CABCOCO1: variants seen among roughly 807,000 people sequenced by gnomAD.
CABCOCO1 encodes the protein ciliary associated calcium binding coiled-coil 1.
Under a neutral mutation model 35.7 loss-of-function variants are expected in CABCOCO1, and 28 were observed. The observed-to-expected ratio is 0.78, with a 90% CI of 0.58 to 1.07. The LOEUF (loss-of-function observed/expected upper bound fraction) is 1.07. CABCOCO1 is among the 50% of genes least tolerant of loss of function. CABCOCO1 has a pLI of 0.00. For missense variants in CABCOCO1, 326 were observed against 309.2 expected (o/e 1.05, Z -0.41); for synonymous variants, 95 against 100.1 (o/e 0.95, Z 0.30).
At chr10:61,715,270 C>T (rs1840834133) in intron 5 of CABCOCO1, among the ~76,000 whole-genome samples, 1 of 152,060 alleles carries the variant, frequency 6.6e-6, no homozygotes, top group African/African-American at 2.4e-5. Flanking sequence ...TATGTAATGG[C>T]CTTCTTTGTC....
At chr10:61,682,110 T>C (rs765921084) in intron 3 of CABCOCO1, among the ~76,000 whole-genome samples, 15 of 152,200 alleles carry the variant, frequency 9.9e-5, no homozygotes, top group Non-Finnish European at 1.6e-4. Context: ...AAAATTTTCA[T>C]GGACCTCACA....
intron 5 of CABCOCO1, among the ~76,000 whole-genome samples, chr10:61,713,463 C>T (rs1840781438): frequency 6.6e-6 from 1 of 152,182 alleles, no homozygotes; most frequent in Non-Finnish European, 1.5e-5. Flanking sequence ...CAAACAGGGA[C>T]AATTTGACTT....
chr10:61,757,174 C>T (rs543471894), intron 5 of CABCOCO1, among the ~76,000 whole-genome samples: 17 of 151,578 alleles, frequency 1.1e-4, no homozygotes, highest in African/African-American at 3.4e-4. Flanking sequence ...TTCATTTAAA[C>T]GTATTTTCTG....
At chr10:61,736,137 C>T (rs1158267377) in intron 5 of CABCOCO1, among the ~76,000 whole-genome samples, 1 of 152,110 alleles carries the variant, frequency 6.6e-6, no homozygotes, top group Non-Finnish European at 1.5e-5. Context: ...GTTTCTTTTA[C>T]TGTGCAGAAG....
chr10:61,695,760 C>T (rs569529225), intron 5 of CABCOCO1, among the ~76,000 whole-genome samples: 1 of 151,936 alleles, frequency 6.6e-6, no homozygotes, highest in Non-Finnish European at 1.5e-5. Flanking sequence ...CAATCTAGAA[C>T]TTCATTCCGA....
Position 61,703,661 on chromosome 10 carries a change from ATGTAATCTGACTTTAGC to A in CABCOCO1, c.552+13043_552+13059del, listed in dbSNP as rs1259583109. On this transcript the variant is annotated intron_variant, in intron 5 of 7. Transcript: ENST00000648843. ...ACTGTGCTTTTTGGTATCAGTTTAT[ATGTAATCTGACTTTAGC>A]TGGGCTGCCTTCAGGCCTGCCTCTA... 2.0e-5 allele frequency among the ~76,000 whole-genome samples: 3 copies of A among 152,056 alleles called. No individual in the cohort carries two copies. In the East Asian group the frequency reaches 5.8e-4, roughly 30 times the overall value.
intron 5 of CABCOCO1, among the ~76,000 whole-genome samples, chr10:61,721,843 A>G (rs1027239777): frequency 6.6e-6 from 1 of 152,214 alleles, no homozygotes; most frequent in African/African-American, 2.4e-5. Context: ...TTAGGAATCA[A>G]CACCTGTGAA....
chr10:61,749,970 C>T (rs187493911), intron 5 of CABCOCO1, among the ~76,000 whole-genome samples: 1 of 146,420 alleles, frequency 6.8e-6, no homozygotes, highest in Admixed American at 6.8e-5. Flanking sequence ...ATGAGAGCTG[C>T]TTTTTTTTTT....
intron 2 of CABCOCO1, among the ~76,000 whole-genome samples, chr10:61,680,650 TATTATGTTATA>T (rs1839727697): frequency 2.1e-5 from 1 of 48,560 alleles, no homozygotes; most frequent in Admixed American, 3.1e-4. Context: ...ATATAATATA[TATTATGTTATA>T]CATGTATAAC....
At chr10:61,763,978 C>G (rs1393467223) in intron 7 of CABCOCO1, among the ~76,000 whole-genome samples, 1 of 152,004 alleles carries the variant, frequency 6.6e-6, no homozygotes, top group Non-Finnish European at 1.5e-5. Context: ...GTCTGGAGAT[C>G]TGAGACATTA....
intron 5 of CABCOCO1, among the ~76,000 whole-genome samples, chr10:61,734,950 C>G (rs1333465908): frequency 6.6e-6 from 1 of 152,060 alleles, no homozygotes; most frequent in African/African-American, 2.4e-5. Context: ...TCAACCTAAC[C>G]TAAAAGTAAC....
chr10:61,725,236 T>G (rs1841117318), intron 5 of CABCOCO1, among the ~76,000 whole-genome samples: 1 of 152,140 alleles, frequency 6.6e-6, no homozygotes, highest in African/African-American at 2.4e-5. Flanking sequence ...AAATACCATT[T>G]TACCCAGCCA....
intron 5 of CABCOCO1, among the ~76,000 whole-genome samples, chr10:61,713,790 C>T (rs956136186): frequency 6.6e-6 from 1 of 152,122 alleles, no homozygotes; most frequent in Non-Finnish European, 1.5e-5. Flanking sequence ...GTCATTGGTT[C>T]TGTTTATGTG....
intron 7 of CABCOCO1, 132 bp from the exon 8 acceptor site, chr10:61,765,807 T>G (rs1042389021): frequency 1.4e-6 from 1 of 726,474 alleles, no homozygotes; most frequent in African/African-American, 1.8e-5. Flanking sequence ...AACACAGCTA[T>G]GTCTGCAAAA....
chr10:61,700,411 G>A (rs1840417934), intron 5 of CABCOCO1, among the ~76,000 whole-genome samples: 1 of 151,946 alleles, frequency 6.6e-6, no homozygotes, highest in Non-Finnish European at 1.5e-5. Context: ...AATATAAATA[G>A]CCAATAAACT....
Position 61,766,321 on chromosome 10 carries a change from T to C in CABCOCO1, c.*308T>C, listed in dbSNP as rs1406380942. On this transcript the variant is annotated 3_prime_UTR_variant, in exon 8 of 8. Transcript: ENST00000648843. ...CTTTGACGTTTTGACTAATAAATCC[T>C]ATTCATCTTCAAGGAGAATGAAGTC... is the stretch of plus-strand genomic sequence containing the variant. The C allele has an allele frequency of 1.7e-5, 3 of 179,412 alleles. No homozygotes were observed. The highest frequency in any genetic ancestry group is 7.1e-5 in the African/African-American group (3 of 42,274). The allele number at this position is 179,412 out of a possible 1,614,324, so 11.1% of individuals were successfully genotyped here.
chr10:61,678,821 C>T (rs1839606898), intron 2 of CABCOCO1, among the ~76,000 whole-genome samples: 1 of 152,000 alleles, frequency 6.6e-6, no homozygotes, highest in Non-Finnish European at 1.5e-5. Flanking sequence ...TTGAGACATA[C>T]CATATACCAA....
At chr10:61,720,945 G>A (rs1272794404) in intron 5 of CABCOCO1, among the ~76,000 whole-genome samples, 2 of 21,394 alleles carry the variant, frequency 9.3e-5, no homozygotes, top group Non-Finnish European at 4.1e-4. Context: ...TTTTTTTTGC[G>A]ACAGAGTCTC....
At chr10:61,725,743 G>A (rs1427927148) in intron 5 of CABCOCO1, among the ~76,000 whole-genome samples, 2 of 151,888 alleles carry the variant, frequency 1.3e-5, no homozygotes, top group African/African-American at 4.8e-5. Flanking sequence ...ATGTACCTTA[G>A]AACTTAAAGT....
Sources: allele counts gnomAD v4.1 joint callset (sites outside exome capture counted in the v4.1 genomes callset), GRCh38; gene constraint gnomAD v4.1.1; transcripts MANE v1.5; gene names NCBI Gene and HGNC (gene_info 2026-07-23, HGNC 2026-07-21).